DMD: variants seen among roughly 807,000 people sequenced by gnomAD.
The protein encoded by DMD is mutant dystrophin.
DMD carries 63 observed loss-of-function variants against 330.1 expected under a neutral mutation model. That is an observed-to-expected ratio of 0.19 (90% CI 0.16 to 0.24). DMD has a LOEUF of 0.24. DMD is among the 10% of genes least tolerant of loss of function. DMD has a pLI of 1.00. For synonymous variants in DMD, 1,223 were observed against 959.8 expected, an observed-to-expected ratio of 1.27 and a Z score of -5.07; for missense variants, 3,344 against 2,684.1, an observed-to-expected ratio of 1.25 and a Z score of -5.43.
intron 1 of DMD, among the ~76,000 whole-genome samples, chrX:33,038,850 C>G (rs1018433120): frequency 9.1e-6 from 1 of 110,311 alleles, no homozygotes; most frequent in African/African-American, 3.3e-5. Flanking sequence ...AAAAATTAGC[C>G]GGGCATGGTG....
At chrX:32,906,772 G>C (rs1236534360) in intron 2 of DMD, among the ~76,000 whole-genome samples, 2 of 111,568 alleles carry the variant, frequency 1.8e-5, no homozygotes, top group African/African-American at 6.5e-5. Context: ...AGAGCAGTTA[G>C]GATGCTATTT....
intron 2 of DMD, among the ~76,000 whole-genome samples, chrX:32,969,477 G>C (rs1191452512): frequency 1.1e-5 from 1 of 92,905 alleles, no homozygotes; most frequent in Non-Finnish European, 2.0e-5. Context: ...CAGATACATA[G>C]ATAAAAATTC....
intron 33 of DMD, among the ~76,000 whole-genome samples, chrX:32,381,193 TA>T (rs1290508673): frequency 1.8e-5 from 2 of 111,793 alleles, no homozygotes; most frequent in African/African-American, 6.5e-5. Context: ...GTTACATCTT[TA>T]AAGTGTCTCA....
At chrX:31,451,142 T>G (rs2065694728) in intron 59 of DMD, among the ~76,000 whole-genome samples, 1 of 108,632 alleles carries the variant, frequency 9.2e-6, no homozygotes, top group Non-Finnish European at 1.9e-5. Flanking sequence ...TTTTCTTCCT[T>G]CCTTCCTTCT....
intron 42 of DMD, among the ~76,000 whole-genome samples, chrX:32,306,795 A>T (rs1004594148): frequency 1.8e-5 from 2 of 111,136 alleles, no homozygotes; most frequent in African/African-American, 6.5e-5. Context: ...ATGTGGGCAG[A>T]TATCCTTGTC....
intron 52 of DMD, among the ~76,000 whole-genome samples, chrX:31,690,393 G>A (rs1482307429): frequency 8.9e-6 from 1 of 112,215 alleles, no homozygotes; most frequent in East Asian, 2.8e-4. Context: ...GGCCATCAGA[G>A]AAACGCAAAT....
chrX:32,694,780 C>T (rs949382247), intron 9 of DMD, among the ~76,000 whole-genome samples: 1 of 111,306 alleles, frequency 9.0e-6, no homozygotes, highest in Non-Finnish European at 1.9e-5. Flanking sequence ...CCTCAGCCTC[C>T]CGAGTAGCTG....
chrX:33,032,850 G>A (rs1163994363), intron 1 of DMD, among the ~76,000 whole-genome samples: 10 of 112,287 alleles, frequency 8.9e-5, no homozygotes, highest in African/African-American at 3.2e-4. Flanking sequence ...TAAAGTTTCG[G>A]AGTAATCATT....
intron 17 of DMD, among the ~76,000 whole-genome samples, chrX:32,542,153 G>A (rs1265883609): frequency 9.0e-6 from 1 of 111,563 alleles, no homozygotes; most frequent in Non-Finnish European, 1.9e-5. Flanking sequence ...TCAAAAGGCC[G>A]GGCATGGTGG....
At position 32,844,848 on chromosome X, in the gene DMD, C is replaced by T. The variant is rs398123871; in HGVS notation, c.199G>A (p.Gly67Arg). ...LTGQKLPKEK[G>R]STRVHALNNV... is the part of the protein sequence containing the mutation. ...TTCAGGGCATGAACTCTTGTGGATC[C>T]TTTTTCTTTTGGCTGAGAACAAAAC... Residue 67 changes from glycine to arginine, a missense_variant, in exon 4 of 79, where the codon GGA (glycine) becomes AGA (arginine). Physicochemically the swap from Gly to Arg is moderately radical, Grantham distance 125. Coordinates refer to ENST00000357033, the MANE Select transcript of DMD (RefSeq NM_004006.3). 3 of 1,210,307 alleles carry T rather than the reference C, an allele frequency of 2.5e-6. No homozygotes were observed. Among genetic ancestry groups the T allele is most frequent in the South Asian group, 1.8e-5 (1 of 56,960 alleles).
At chrX:31,368,031 C>T (rs1246701042) in intron 60 of DMD, among the ~76,000 whole-genome samples, 1 of 111,768 alleles carries the variant, frequency 8.9e-6, no homozygotes, top group African/African-American at 3.3e-5. Context: ...CCAGTGTCAG[C>T]AGTAGTGGAC....
At chrX:31,931,930 G>T in intron 46 of DMD, 150 bp downstream of exon 46, 2 of 602,693 alleles carry the variant, frequency 3.3e-6, no homozygotes, top group Non-Finnish European at 2.6e-6. Flanking sequence ...AGAACTGCAG[G>T]GTTAAGAAGA....
intron 1 of DMD, among the ~76,000 whole-genome samples, chrX:33,271,792 C>CA (rs1200403976): frequency 3.9e-5 from 4 of 101,755 alleles, no homozygotes; most frequent in Non-Finnish European, 7.8e-5. Context: ...AAAAAAAAAC[C>CA]AAAAAAAAGA....
At chrX:32,768,017 T>G (rs2073188104) in intron 7 of DMD, among the ~76,000 whole-genome samples, 1 of 112,020 alleles carries the variant, frequency 8.9e-6, no homozygotes, top group Admixed American at 9.5e-5. Context: ...ATAACTTTAT[T>G]CAATTTCCAG....
At chrX:32,789,794 T>G (rs184354267) in intron 7 of DMD, among the ~76,000 whole-genome samples, 213 of 111,972 alleles carry the variant, frequency 1.9e-3, no homozygotes, top group Non-Finnish European at 2.6e-3. Context: ...TTTGCACTCT[T>G]CTACCAAAAG....
At chrX:32,608,103 C>T (rs2056880060) in intron 12 of DMD, among the ~76,000 whole-genome samples, 1 of 109,877 alleles carries the variant, frequency 9.1e-6, no homozygotes. Context: ...AGTAATGTTA[C>T]TGAATCAATA....
chrX:32,775,878 A>C lies in DMD; in HGVS notation c.649+33615T>G, dbSNP rs7066979. On this transcript the variant is annotated intron_variant, in intron 7 of 78. Coordinates refer to ENST00000357033, the MANE Select transcript of DMD (RefSeq NM_004006.3). ...TGGGTTTTTCTTTTCTGCCGCATGG[A>C]CAGGCTGCAAATTTTCCAAACTTTT... is the stretch of plus-strand genomic sequence containing the variant. Among the ~76,000 whole-genome samples the C allele has an allele frequency of 4.4e-5, 5 of 112,548 alleles. 1 individual carries two copies. The East Asian group carries it at 1.4e-3, about 32-fold the overall frequency.
chrX:32,663,030 G>T (rs757634549), intron 9 of DMD, among the ~76,000 whole-genome samples: 14 of 111,767 alleles, frequency 1.3e-4, no homozygotes, highest in Non-Finnish European at 2.4e-4. Flanking sequence ...ATTGAGTAAT[G>T]CATTACATTT....
chrX:32,658,085 A>G (rs1385722762), intron 9 of DMD, among the ~76,000 whole-genome samples: 3 of 111,837 alleles, frequency 2.7e-5, no homozygotes, highest in Non-Finnish European at 5.6e-5. Flanking sequence ...AGAGTTTGTA[A>G]TTGCATATAC....
Sources: allele counts gnomAD v4.1 joint callset (sites outside exome capture counted in the v4.1 genomes callset), GRCh38; gene constraint gnomAD v4.1.1; transcripts MANE v1.5; gene names NCBI Gene and HGNC (gene_info 2026-07-23, HGNC 2026-07-21).